The following CNDP1 variants were observed in gnomAD, a reference collection of about 807,000 sequenced individuals.
CNDP1 encodes carnosine dipeptidase 1.
A neutral mutation model predicts 58.1 loss-of-function variants in CNDP1; 44 were observed. The ratio of observed to expected loss-of-function variants is 0.76; its 90% confidence interval spans 0.60 to 0.97. The LOEUF (loss-of-function observed/expected upper bound fraction) is 0.97. Ranked by LOEUF, CNDP1 falls within the 50% of genes least tolerant of loss-of-function variation. The pLI, the probability that CNDP1 is intolerant of heterozygous loss-of-function variation, is 0.00. For missense variants in CNDP1, 616 were observed against 655.1 expected, an observed-to-expected ratio of 0.94 and a Z score of 0.65; for synonymous variants, 254 against 252.6, an observed-to-expected ratio of 1.01 and a Z score of -0.05.
chr18:74,561,295 A>T (rs1981190009), intron 4 of CNDP1: 1 of 285,442 alleles, frequency 3.5e-6, no homozygotes. Flanking sequence ...GGGCGCCTGT[A>T]ATCCCAGCTA....
At chr18:74,571,658 G>A (rs1035538222) in intron 7 of CNDP1, among the ~76,000 whole-genome samples, 1 of 152,216 alleles carries the variant, frequency 6.6e-6, no homozygotes, top group African/African-American at 2.4e-5. Context: ...TTCAACTTCA[G>A]TAGACCTGGC....
intron 1 of CNDP1, among the ~76,000 whole-genome samples, chr18:74,554,116 C>T (rs994400479): frequency 2.0e-5 from 3 of 152,166 alleles, no homozygotes; most frequent in Non-Finnish European, 2.9e-5. Context: ...GACTATTAGG[C>T]CTGTGGTCTC....
intron 1 of CNDP1, among the ~76,000 whole-genome samples, chr18:74,547,978 T>C (rs1256329166): frequency 6.6e-6 from 1 of 152,128 alleles, no homozygotes; most frequent in Non-Finnish European, 1.5e-5. Context: ...CAGGGTCCCA[T>C]AGCCAGTGGG....
intron 1 of CNDP1, 37 bp downstream of exon 1, chr18:74,534,728 G>A: frequency 1.2e-6 from 2 of 1,613,126 alleles, no homozygotes; most frequent in Non-Finnish European, 1.7e-6. Context: ...CCGTGCATTG[G>A]GTGCCAGAAT....
intron 5 of CNDP1, among the ~76,000 whole-genome samples, chr18:74,563,132 C>T (rs774830938): frequency 6.6e-6 from 1 of 152,166 alleles, no homozygotes; most frequent in Non-Finnish European, 1.5e-5. Context: ...AGGGGCTTCC[C>T]TCTCAGAAGT....
chr18:74,560,403 T>C (rs1313552765), intron 3 of CNDP1, among the ~76,000 whole-genome samples: 1 of 152,200 alleles, frequency 6.6e-6, no homozygotes. Flanking sequence ...GATTAGGTTT[T>C]ATATCTTAAT....
At chr18:74,578,393 G>T in intron 9 of CNDP1, 66 bp downstream of exon 9, 2 of 1,449,006 alleles carry the variant, frequency 1.4e-6, no homozygotes, top group Non-Finnish European at 1.9e-6. Context: ...CGCACATCAC[G>T]GCTTAGTGAG....
intron 1 of CNDP1, among the ~76,000 whole-genome samples, chr18:74,554,653 G>A (rs1599090979): frequency 1.3e-5 from 2 of 152,184 alleles, no homozygotes; most frequent in South Asian, 4.1e-4. Flanking sequence ...AAGTGATGGA[G>A]GGGCCCTGCA....
chr18:74,579,441 T>C (rs898774686), intron 9 of CNDP1, among the ~76,000 whole-genome samples: 1 of 149,074 alleles, frequency 6.7e-6, no homozygotes, highest in Non-Finnish European at 1.5e-5. Flanking sequence ...TCACAACATA[T>C]AAACTCCATG....
intron 10 of CNDP1, among the ~76,000 whole-genome samples, chr18:74,582,717 A>G (rs1301004285): frequency 6.6e-6 from 1 of 152,244 alleles, no homozygotes; most frequent in African/African-American, 2.4e-5. Flanking sequence ...CGTCTGCAGC[A>G]TACAAGAAAC....
At chr18:74,576,768 C>A in intron 7 of CNDP1, 101 bp from the exon 8 acceptor site, 1 of 1,083,130 alleles carries the variant, frequency 9.2e-7, no homozygotes, top group Non-Finnish European at 1.3e-6. Flanking sequence ...AGTCAAGAGG[C>A]CTGCTGCAAC....
intron 2 of CNDP1, among the ~76,000 whole-genome samples, chr18:74,558,394 T>TTTTC (rs1357328737): frequency 2.2e-5 from 3 of 137,608 alleles, no homozygotes; most frequent in Non-Finnish European, 3.1e-5. Context: ...TTCTTTTTCT[T>TTTTC]TTTTTTTTTT....
At chr18:74,557,915 C>A (rs2144653752) in intron 2 of CNDP1, among the ~76,000 whole-genome samples, 1 of 152,300 alleles carries the variant, frequency 6.6e-6, no homozygotes, top group Non-Finnish European at 1.5e-5. Context: ...TTTTTGAAAC[C>A]TGAGTGGGGT....
At chr18:74,560,160 C>T (rs1018380557) in intron 3 of CNDP1, among the ~76,000 whole-genome samples, 8 of 152,138 alleles carry the variant, frequency 5.3e-5, no homozygotes, top group South Asian at 2.1e-4. Context: ...GGATTTCAGG[C>T]GTGCACCACC....
intron 11 of CNDP1, chr18:74,584,145 G>T (rs920545606): frequency 1.8e-5 from 6 of 328,062 alleles, no homozygotes; most frequent in Non-Finnish European, 2.8e-5. Flanking sequence ...AGGCTATTAG[G>T]AATGTTTGCT....
At chr18:74,572,996 T>C (rs1459975860) in intron 7 of CNDP1, among the ~76,000 whole-genome samples, 1 of 152,138 alleles carries the variant, frequency 6.6e-6, no homozygotes, top group Non-Finnish European at 1.5e-5. Flanking sequence ...TCAGCATCAT[T>C]TTTAGTTGCA....
intron 2 of CNDP1, among the ~76,000 whole-genome samples, chr18:74,557,607 A>G (rs1269947857): frequency 6.8e-6 from 1 of 146,762 alleles, no homozygotes; most frequent in Non-Finnish European, 1.5e-5. Context: ...ACACACCCCC[A>G]TATATGTATC....
intron 1 of CNDP1, among the ~76,000 whole-genome samples, chr18:74,538,515 G>C (rs1980538329): frequency 6.6e-6 from 1 of 152,172 alleles, no homozygotes; most frequent in Non-Finnish European, 1.5e-5. Flanking sequence ...CCCAGTTTTT[G>C]TGTGGACATG....
At position 74,559,415 on chromosome 18, in the gene CNDP1, G is replaced by A. The variant is rs748289316; in HGVS notation, c.246G>A (p.Ala82=). 25 of 1,613,168 alleles carry A rather than the reference G, an allele frequency of 1.5e-5. No individual in the cohort carries two copies. The highest frequency in any genetic ancestry group is 6.7e-5 in the East Asian group (3 of 44,872). Residue 82 remains alanine (A), a synonymous_variant, in exon 3 of 12, where the codon GCG becomes GCA. Transcript: ENST00000358821. The part of the protein sequence containing the change: ...QELFRMMAVA[A]DTLQRLGARV... ...TCTTCAGAATGATGGCCGTGGCTGC[G>A]GACACGCTGCAGCGCCTGGGGGCCC...
Sources: gnomAD v4.1 joint callset for allele counts (sites outside exome capture counted in the v4.1 genomes callset) on GRCh38, gnomAD v4.1.1 for gene constraint, MANE v1.5 for transcripts, NCBI Gene and HGNC (gene_info 2026-07-23, HGNC 2026-07-21) for gene names.